Variants in ZFYVE9 observed in about 807,000 individuals in gnomAD.
ZFYVE9 encodes zinc finger FYVE domain-containing protein 9.
Under a neutral mutation model 126.7 loss-of-function variants are expected in ZFYVE9, and 43 were observed. The ratio of observed to expected loss-of-function variants is 0.34; its 90% CI spans 0.27 to 0.44. ZFYVE9 has a LOEUF of 0.44. Ranked by LOEUF, ZFYVE9 falls within the 20% of genes least tolerant of loss-of-function variation. ZFYVE9 has a pLI of 1.00. For synonymous variants in ZFYVE9, 521 were observed against 597.4 expected (o/e 0.87, Z 1.87); for missense variants, 1,476 against 1,697.0 (o/e 0.87, Z 2.29).
At chr1:52,334,923 T>C in intron 15 of ZFYVE9, 155 bp downstream of exon 15, 1 of 635,282 alleles carries the variant, frequency 1.6e-6, no homozygotes, top group East Asian at 3.0e-5. Flanking sequence ...CTTAGTTCTC[T>C]GAAGAAAGGA....
Position 52,233,156 on chromosome 1 carries a change from G to T in ZFYVE9, c.-36-15G>T. On this transcript the variant is annotated splice_polypyrimidine_tract_variant and intron_variant, in intron 2 of 18. Transcript: ENST00000287727. ...ATTTTAATAATTCAAAATGTAATACGCATTTACTTTTTAGGTTTAAACAAG... is the reference window on the plus strand; with the variant it reads ...ATTTTAATAATTCAAAATGTAATACTCATTTACTTTTTAGGTTTAAACAAG... 2 of 1,164,144 alleles carry T rather than the reference G, an allele frequency of 1.7e-6. No individual in the cohort carries two copies. The highest frequency in any genetic ancestry group is 2.4e-6 in the Non-Finnish European group (2 of 839,708). 72.1% of individuals were successfully genotyped at this position (1,164,144 alleles called of 1,614,324 possible). A position where few individuals can be genotyped will look rare whatever the true frequency, so the allele number is the denominator to read the frequency against.
chr1:52,335,902 G>C (rs186825999), intron 15 of ZFYVE9, among the ~76,000 whole-genome samples: 2 of 152,288 alleles, frequency 1.3e-5, no homozygotes, highest in South Asian at 4.1e-4. Context: ...GGGAGGCCGA[G>C]GGGGGCAGAT....
At position 52,142,370 on chromosome 1, in the gene ZFYVE9, G is replaced by A. The variant is rs1644266291; in HGVS notation, c.-176G>A. On this transcript the variant is annotated 5_prime_UTR_variant, in exon 1 of 19. Coordinates refer to ENST00000287727, the MANE Select transcript of ZFYVE9 (RefSeq NM_004799.4). The surrounding 1 kb of genome is among the most constrained non-coding windows in gnomAD (Gnocchi z 4.5). Reference sequence around the variant, plus strand: ...CTTTCGGCTCAGGGACGACCCCCGTGGCCATGCTGAAGCGGAGGCGGCCGC... The same window carrying A: ...CTTTCGGCTCAGGGACGACCCCCGTAGCCATGCTGAAGCGGAGGCGGCCGC... The A allele has an allele frequency of 6.6e-6, 1 of 152,008 alleles. No homozygotes were observed. The highest frequency in any genetic ancestry group is 6.6e-5 in the Admixed American group (1 of 15,256). 9.4% of individuals were successfully genotyped at this position (152,008 alleles called of 1,614,324 possible). A position where few individuals can be genotyped will look rare whatever the true frequency, so the allele number is the denominator to read the frequency against.
In ZFYVE9 at chr1:52,266,697, C is replaced by G; in HGVS notation, c.2321C>G (p.Pro774Arg). The G allele has an allele frequency of 6.2e-7, 1 of 1,610,012 alleles. No individual in the cohort carries two copies. The highest frequency in any genetic ancestry group is 1.3e-5 in the African/African-American group (1 of 74,864). ...ENMMSASSQS[P>R]NPNNPAEYCS... The stretch of plus-strand genomic sequence containing the variant: ...ATGATGAGTGCCTCAAGCCAGAGCC[C>G]TAACCCTAACAATCCTGCTGAATAC... The change falls in exon 6 of 19, where the codon CCT becomes CGT. Residue 774 changes from proline to arginine, a missense_variant. Coordinates refer to ENST00000287727, the MANE Select transcript of ZFYVE9 (RefSeq NM_004799.4).
At chr1:52,176,396 G>A (rs1413100228) in intron 1 of ZFYVE9, among the ~76,000 whole-genome samples, 1 of 152,224 alleles carries the variant, frequency 6.6e-6, no homozygotes. Flanking sequence ...TGAGGTGTCA[G>A]TCTGCCCCTA....
At chr1:52,221,306 A>C (rs1369556930) in intron 2 of ZFYVE9, among the ~76,000 whole-genome samples, 1 of 152,168 alleles carries the variant, frequency 6.6e-6, no homozygotes, top group East Asian at 1.9e-4. Context: ...CCTGTTTGGA[A>C]AGGGGTTTTG....
intron 13 of ZFYVE9, among the ~76,000 whole-genome samples, chr1:52,309,689 A>C (rs968921957): frequency 1.3e-5 from 2 of 152,074 alleles, no homozygotes; most frequent in African/African-American, 4.8e-5. Flanking sequence ...CACTCAGAGG[A>C]ATTTAGATTT....
intron 14 of ZFYVE9, among the ~76,000 whole-genome samples, chr1:52,333,885 G>A (rs1646366512): frequency 6.6e-6 from 1 of 151,988 alleles, no homozygotes; most frequent in Admixed American, 6.5e-5. Context: ...AAGGTCAGGA[G>A]TTCAAGACCA....
chr1:52,344,144 G>A (rs933127338), intron 17 of ZFYVE9, among the ~76,000 whole-genome samples: 1 of 151,868 alleles, frequency 6.6e-6, no homozygotes, highest in Non-Finnish European at 1.5e-5. Context: ...TTCCTCTATG[G>A]TGCTAGGACT....
intron 13 of ZFYVE9, among the ~76,000 whole-genome samples, chr1:52,317,292 G>C (rs1219970170): frequency 6.6e-6 from 1 of 152,008 alleles, no homozygotes; most frequent in Non-Finnish European, 1.5e-5. Context: ...GTTGAGGTTG[G>C]GGGGATCACT....
intron 2 of ZFYVE9, among the ~76,000 whole-genome samples, chr1:52,221,025 T>C (rs976334651): frequency 6.6e-6 from 1 of 152,246 alleles, no homozygotes; most frequent in African/African-American, 2.4e-5. Context: ...TCTTGGCCCT[T>C]ACTATTGATG....
rs190500907 is a variant in ZFYVE9, at chr1:52,211,762, G to C, written c.-142-4607G>C. ...ATAGTATTAATCACAGCCAAGATAG[G>C]AAACATCTTTAACTGATAATATTTT... On this transcript the variant is annotated intron_variant, in intron 1 of 18. Transcript: ENST00000287727. Among the ~76,000 whole-genome samples, 204 of 152,234 alleles carry C rather than the reference G, an allele frequency of 1.3e-3. 1 individual carries two copies. The highest frequency in any genetic ancestry group is 1.3e-3 in the Non-Finnish European group (90 of 68,006).
intron 1 of ZFYVE9, among the ~76,000 whole-genome samples, chr1:52,214,859 CAGAG>C (rs1428429673): frequency 6.6e-6 from 1 of 152,170 alleles, no homozygotes; most frequent in Non-Finnish European, 1.5e-5. Context: ...CTCAACCAAT[CAGAG>C]AGAATTCCCT....
intron 13 of ZFYVE9, among the ~76,000 whole-genome samples, chr1:52,314,289 G>A (rs1420306697): frequency 6.6e-6 from 1 of 152,174 alleles, no homozygotes; most frequent in Non-Finnish European, 1.5e-5. Context: ...TATTTCTCAT[G>A]AAAACAATGC....
intron 9 of ZFYVE9, among the ~76,000 whole-genome samples, chr1:52,280,288 G>A (rs1019392272): frequency 2.0e-5 from 3 of 151,694 alleles, no homozygotes; most frequent in Admixed American, 6.6e-5. Context: ...GCTGAGGTGG[G>A]AGGAGTTCTT....
At chr1:52,258,792 C>T (rs565874533) in intron 4 of ZFYVE9, among the ~76,000 whole-genome samples, 7 of 151,978 alleles carry the variant, frequency 4.6e-5, no homozygotes, top group Admixed American at 6.6e-5. Context: ...TCATTGGAAA[C>T]GTAAAGGATC....
chr1:52,261,295 A>T (rs1192087615), intron 4 of ZFYVE9, among the ~76,000 whole-genome samples: 1 of 147,218 alleles, frequency 6.8e-6, no homozygotes, highest in Non-Finnish European at 1.5e-5. Context: ...GGCCATTCAC[A>T]GGTGCAGTCA....
At chr1:52,329,153 A>C (rs927133743) in intron 13 of ZFYVE9, among the ~76,000 whole-genome samples, 13 of 152,368 alleles carry the variant, frequency 8.5e-5, no homozygotes, top group African/African-American at 2.6e-4. Context: ...GATTCATTGC[A>C]AGCCGTATCA....
intron 2 of ZFYVE9, among the ~76,000 whole-genome samples, chr1:52,219,784 TGTGTGTGTGTGTGTGTGTGG>T (rs1379935573): frequency 6.7e-6 from 1 of 149,998 alleles, no homozygotes; most frequent in African/African-American, 2.5e-5. Flanking sequence ...TGTGTGTGTG[TGTGTGTGTGTGTGTGTGTGG>T]CAGAGTCTTA....
Sources: gnomAD v4.1 joint callset for allele counts (sites outside exome capture counted in the v4.1 genomes callset) on GRCh38, gnomAD v4.1.1 for gene constraint, Gnocchi (gnomAD v3.1) non-coding constraint, MANE v1.5 for transcripts, NCBI Gene and HGNC (gene_info 2026-07-23, HGNC 2026-07-21) for gene names.